The following ATF1 variants were observed in gnomAD, a reference collection of about 807,000 sequenced individuals.
ATF1 encodes cyclic AMP-dependent transcription factor ATF-1.
ATF1 carries 16 observed loss-of-function variants against 34.7 expected under a neutral mutation model. The ratio of observed to expected loss-of-function variants is 0.46; its 90% CI spans 0.31 to 0.70. The LOEUF (loss-of-function observed/expected upper bound fraction) is 0.70. Ranked by LOEUF, ATF1 falls within the 30% of genes least tolerant of loss-of-function variation. ATF1 has a pLI of 0.05. For synonymous variants in ATF1, 105 were observed against 113.1 expected (o/e 0.93, Z 0.46); for missense variants, 255 against 321.6 (o/e 0.79, Z 1.58).
chr12:50,786,625 A>G (rs529922188), intron 2 of ATF1, among the ~76,000 whole-genome samples: 22 of 152,128 alleles, frequency 1.4e-4, no homozygotes, highest in African/African-American at 4.8e-4. Flanking sequence ...AAGGAAATAA[A>G]CCCAGTTTTC....
chr12:50,766,554 T>G (rs10747590), intron 1 of ATF1, among the ~76,000 whole-genome samples: 131,186 of 151,424 alleles, frequency 0.87, 58,114 homozygotes, highest in Non-Finnish European at 0.98. Flanking sequence ...TGTGCACATT[T>G]TGCAGGTTAG....
chr12:50,808,427 C>T (rs1272406323), intron 3 of ATF1, among the ~76,000 whole-genome samples: 1 of 151,472 alleles, frequency 6.6e-6, no homozygotes, highest in Non-Finnish European at 1.5e-5. Flanking sequence ...CTCCCAGGTT[C>T]AAGCAATTCT....
At chr12:50,799,446 C>A (rs1000890351) in intron 3 of ATF1, among the ~76,000 whole-genome samples, 7 of 152,084 alleles carry the variant, frequency 4.6e-5, no homozygotes, top group African/African-American at 1.7e-4. Context: ...GACCCAGAGT[C>A]TGATAGCATA....
chr12:50,773,789 C>T (rs1940841844), intron 1 of ATF1, among the ~76,000 whole-genome samples: 1 of 151,894 alleles, frequency 6.6e-6, no homozygotes, highest in South Asian at 2.1e-4. Context: ...GGGGTTTTGC[C>T]ATATTGGCCA....
intron 6 of ATF1, 106 bp from the exon 7 acceptor site, chr12:50,819,529 A>ACTT: frequency 7.9e-7 from 1 of 1,272,774 alleles, no homozygotes. Flanking sequence ...TGTAGATGAT[A>ACTT]CTTTAAAGAG....
intron 4 of ATF1, among the ~76,000 whole-genome samples, chr12:50,813,697 C>T (rs1484211115): frequency 2.0e-5 from 3 of 152,064 alleles, no homozygotes; most frequent in Non-Finnish European, 4.4e-5. Flanking sequence ...ACCTGTAATC[C>T]CAGCTCCTTG....
intron 3 of ATF1, among the ~76,000 whole-genome samples, chr12:50,804,967 G>A (rs1199884969): frequency 6.6e-6 from 1 of 151,766 alleles, no homozygotes; most frequent in Non-Finnish European, 1.5e-5. Flanking sequence ...CCACCACCAC[G>A]CCCAGCTAAC....
intron 3 of ATF1, 73 bp from the exon 4 acceptor site, chr12:50,809,373 CAAAAAAAAAA>C: frequency 1.3e-6 from 1 of 758,210 alleles, no homozygotes; most frequent in Non-Finnish European, 1.8e-6. Flanking sequence ...GATCTTGTCT[CAAAAAAAAAA>C]AAAAAAAAAA....
intron 2 of ATF1, among the ~76,000 whole-genome samples, chr12:50,792,667 A>G (rs1009814139): frequency 6.6e-6 from 1 of 152,232 alleles, no homozygotes; most frequent in Non-Finnish European, 1.5e-5. Context: ...TCAGGCAAAT[A>G]GAAAAGTTTT....
intron 1 of ATF1, among the ~76,000 whole-genome samples, chr12:50,768,661 A>G (rs1471849244): frequency 7.5e-6 from 1 of 133,836 alleles, no homozygotes; most frequent in Non-Finnish European, 1.7e-5. Flanking sequence ...CTGATTAATC[A>G]GCTTAAACAA....
chr12:50,796,465 C>T (rs1024546858), intron 3 of ATF1, among the ~76,000 whole-genome samples: 1 of 152,024 alleles, frequency 6.6e-6, no homozygotes, highest in Admixed American at 6.5e-5. Flanking sequence ...CTTTGGGAGG[C>T]TGAGGCGGGC....
At chr12:50,764,920 T>A (rs1293094167) in intron 1 of ATF1, among the ~76,000 whole-genome samples, 1 of 151,864 alleles carries the variant, frequency 6.6e-6, no homozygotes, top group Admixed American at 6.6e-5. Flanking sequence ...TACCCCTGGC[T>A]AGGAATGACA....
chr12:50,814,489 C>A, intron 6 of ATF1, 50 bp downstream of exon 6: 1 of 1,558,454 alleles, frequency 6.4e-7, no homozygotes, highest in Non-Finnish European at 8.8e-7. Context: ...TTACAAATCT[C>A]ACAACATAAC....
intron 3 of ATF1, among the ~76,000 whole-genome samples, chr12:50,802,331 C>A (rs1280686182): frequency 1.3e-5 from 2 of 152,144 alleles, no homozygotes; most frequent in Admixed American, 1.3e-4. Context: ...TTGAGACCTG[C>A]CCGGCCAACA....
rs377512051 is a variant in ATF1 at position 50,808,672 on chromosome 12, CATT to C, written c.195-781_195-779del. Reference sequence around the variant, plus strand: ...AATATGTAATCAGCCTGGAGCACATCATTATAATAATATATGCTAAATAAAAGC... The same window carrying C: ...AATATGTAATCAGCCTGGAGCACATCATAATAATATATGCTAAATAAAAGC... On this transcript the variant is annotated intron_variant, in intron 3 of 6. Coordinates refer to ENST00000262053, the MANE Select transcript of ATF1 (RefSeq NM_005171.5). Among the ~76,000 whole-genome samples the C allele has an allele frequency of 1.3e-3, 196 of 151,882 alleles. 1 individual carries two copies. Among genetic ancestry groups the C allele is most frequent in the African/African-American group, 4.6e-3 (189 of 41,426 alleles).
upstream of ATF1, among the ~76,000 whole-genome samples, chr12:50,763,904 C>T (rs995434006): frequency 6.6e-6 from 1 of 152,154 alleles, no homozygotes; most frequent in Admixed American, 6.5e-5. Context: ...GGAACGCGTT[C>T]CGAGGAACCC....
In ATF1 at chr12:50,795,896, A is replaced by G; in HGVS notation, c.94-13A>G. 3 of 1,595,338 alleles carry G rather than the reference A, an allele frequency of 1.9e-6. No homozygotes were observed. Among genetic ancestry groups the G allele is most frequent in the Non-Finnish European group, 1.7e-6 (2 of 1,164,952 alleles). On this transcript the variant is annotated splice_polypyrimidine_tract_variant and intron_variant, in intron 2 of 6. Coordinates refer to ENST00000262053, the MANE Select transcript of ATF1 (RefSeq NM_005171.5). ...CTGCATTGTTCATCATGTTAATGCC[A>G]GTTCTTTTTTAGGTATCATCTTTAT... is the stretch of plus-strand genomic sequence containing the variant.
intron 1 of ATF1, among the ~76,000 whole-genome samples, chr12:50,775,193 C>T (rs1940887001): frequency 6.6e-6 from 1 of 151,842 alleles, no homozygotes; most frequent in South Asian, 2.1e-4. Flanking sequence ...AATCCTCCTG[C>T]CTCAACCTCC....
At chr12:50,787,130 G>T (rs995059474) in intron 2 of ATF1, among the ~76,000 whole-genome samples, 2 of 152,108 alleles carry the variant, frequency 1.3e-5, no homozygotes, top group South Asian at 4.1e-4. Context: ...GTACTCTCTT[G>T]TTTTCCCATT....
Sources: allele counts gnomAD v4.1 joint callset (sites outside exome capture counted in the v4.1 genomes callset), GRCh38; gene constraint gnomAD v4.1.1; transcripts MANE v1.5; gene names NCBI Gene and HGNC (gene_info 2026-07-23, HGNC 2026-07-21).